Variants in NALF1 observed in about 807,000 individuals in gnomAD.
NALF1 encodes NALCN channel auxiliary factor 1.
NALF1 carries 3 observed loss-of-function variants against 48.4 expected under a neutral mutation model. That is an observed-to-expected ratio of 0.06 (90% CI 0.03 to 0.16). The LOEUF is 0.16. NALF1 is among the 10% of genes least tolerant of loss of function. The probability of loss-of-function intolerance (pLI) is 1.00; values close to 1 mark genes in which losing one functional copy is unlikely to be tolerated. For synonymous variants in NALF1, 262 were observed against 245.7 expected, an observed-to-expected ratio of 1.07 and a Z score of -0.62; for missense variants, 526 against 571.5, an observed-to-expected ratio of 0.92 and a Z score of 0.81.
At chr13:107,490,959 C>A (rs1185340652) in intron 1 of NALF1, among the ~76,000 whole-genome samples, 21 of 152,114 alleles carry the variant, frequency 1.4e-4, no homozygotes, top group Admixed American at 1.4e-3. Context: ...TTTACCTCAG[C>A]AAAATTAAGC....
chr13:107,513,405 C>T (rs1875957892), intron 1 of NALF1, among the ~76,000 whole-genome samples: 1 of 152,168 alleles, frequency 6.6e-6, no homozygotes, highest in African/African-American at 2.4e-5. Context: ...CTCTCCCATT[C>T]CAAGTACTCA....
intron 1 of NALF1, among the ~76,000 whole-genome samples, chr13:107,527,312 G>T (rs1487185360): frequency 6.6e-6 from 1 of 152,020 alleles, no homozygotes; most frequent in Non-Finnish European, 1.5e-5. Flanking sequence ...GCGTTCAGGG[G>T]ATATCTTTGG....
rs193119179 is a variant in NALF1, at chr13:107,646,134, T to C, written c.915+219548A>G. 8.5e-5 allele frequency among the ~76,000 whole-genome samples: 13 copies of C among 152,134 alleles called. No individual in the cohort carries two copies. In the East Asian group the frequency reaches 2.5e-3, roughly 29 times the overall value. ...TGAGAGTTTTACACATCTTTTAAAA[T>C]TGCATCTAACGTTTCTAGATGTTCT... On this transcript the variant is annotated intron_variant, in intron 1 of 2. Transcript: ENST00000375915.
At chr13:107,564,295 G>A (rs776138812) in intron 1 of NALF1, among the ~76,000 whole-genome samples, 1 of 152,188 alleles carries the variant, frequency 6.6e-6, no homozygotes, top group Non-Finnish European at 1.5e-5. Context: ...ATGTGTGCAT[G>A]AAAGTGAGAG....
intron 2 of NALF1, among the ~76,000 whole-genome samples, chr13:107,192,218 C>A (rs545888974): frequency 6.6e-6 from 1 of 152,178 alleles, no homozygotes; most frequent in Admixed American, 6.5e-5. Context: ...ATTATAATAA[C>A]CTGTGGTAGC....
chr13:107,587,194 G>T (rs953071492), intron 1 of NALF1, among the ~76,000 whole-genome samples: 2 of 152,076 alleles, frequency 1.3e-5, no homozygotes, highest in Non-Finnish European at 2.9e-5. Flanking sequence ...GGACAGTCAG[G>T]AAGGGAACAC....
In NALF1 at chr13:107,556,338, C is replaced by CAT. The variant is rs770324548; in HGVS notation, c.915+309342_915+309343dup. 7.4e-3 allele frequency among the ~76,000 whole-genome samples: 1,088 copies of CAT among 147,548 alleles called. 9 individuals carry two copies. Among genetic ancestry groups the CAT allele is most frequent in the African/African-American group, 0.024 (963 of 39,946 alleles). On this transcript the variant is annotated intron_variant, in intron 1 of 2. Coordinates refer to ENST00000375915, the MANE Select transcript of NALF1 (RefSeq NM_001080396.3). ...ACACACATATATATATATACACACA[C>CAT]ATATATATATATAGAGAGAGAGAGA...
chr13:107,518,896 G>T (rs1157017673), intron 1 of NALF1, among the ~76,000 whole-genome samples: 1 of 152,178 alleles, frequency 6.6e-6, no homozygotes, highest in African/African-American at 2.4e-5. Flanking sequence ...AGAAATGAAA[G>T]TGGGATTGAA....
intron 1 of NALF1, among the ~76,000 whole-genome samples, chr13:107,639,831 T>C (rs1880101651): frequency 6.6e-6 from 1 of 152,194 alleles, no homozygotes; most frequent in South Asian, 2.1e-4. Context: ...TGTAACAATC[T>C]ACAAAGTGTT....
chr13:107,494,533 T>A (rs1875260569), intron 1 of NALF1, among the ~76,000 whole-genome samples: 1 of 152,202 alleles, frequency 6.6e-6, no homozygotes, highest in African/African-American at 2.4e-5. Flanking sequence ...GGCCCTGATG[T>A]TCACGACCAT....
chr13:107,455,859 A>G lies in NALF1; in HGVS notation c.916-245104T>C, dbSNP rs117239356. Among the ~76,000 whole-genome samples, 4 of 145,992 alleles carry G rather than the reference A, an allele frequency of 2.7e-5. No homozygotes were observed. In the East Asian group the frequency reaches 7.7e-4, roughly 28 times the overall value. On this transcript the variant is annotated intron_variant, in intron 1 of 2. Coordinates refer to ENST00000375915, the MANE Select transcript of NALF1 (RefSeq NM_001080396.3). ...CCCCTGTGTCTTTTCTTAGCTCGAT[A>G]ACTCTTTTTTTTTTTTAAGTGCTGA...
chr13:107,836,176 A>C (rs1315348080), intron 1 of NALF1, among the ~76,000 whole-genome samples: 1 of 152,056 alleles, frequency 6.6e-6, no homozygotes, highest in Non-Finnish European at 1.5e-5. Flanking sequence ...ATTTTTGTAG[A>C]GATGGGGTTT....
chr13:107,230,780 C>A (rs1252623857), intron 1 of NALF1, among the ~76,000 whole-genome samples: 1 of 151,892 alleles, frequency 6.6e-6, no homozygotes, highest in Non-Finnish European at 1.5e-5. Context: ...CAGTGTTAAG[C>A]CAGGTTTAGT....
chr13:107,670,596 T>C (rs749224116), intron 1 of NALF1, among the ~76,000 whole-genome samples: 8 of 152,130 alleles, frequency 5.3e-5, no homozygotes, highest in Non-Finnish European at 1.2e-4. Context: ...TGAGACTCTT[T>C]ACTATCATTG....
At chr13:107,265,305 AT>A in intron 1 of NALF1, among the ~76,000 whole-genome samples, 1 of 152,196 alleles carries the variant, frequency 6.6e-6, no homozygotes, top group Non-Finnish European at 1.5e-5. Context: ...GAATTTGGTT[AT>A]TATTAATATT....
intron 1 of NALF1, among the ~76,000 whole-genome samples, chr13:107,696,414 C>A (rs974515413): frequency 6.6e-6 from 1 of 152,148 alleles, no homozygotes; most frequent in Non-Finnish European, 1.5e-5. Flanking sequence ...GACAACGTTA[C>A]ACAAATGGGA....
chr13:107,444,279 G>A (rs980218634), intron 1 of NALF1, among the ~76,000 whole-genome samples: 1 of 152,108 alleles, frequency 6.6e-6, no homozygotes, highest in Non-Finnish European at 1.5e-5. Flanking sequence ...AAGAAAAAAA[G>A]CTATGTAGAG....
chr13:107,368,507 G>A (rs771851702), intron 1 of NALF1, among the ~76,000 whole-genome samples: 11 of 151,974 alleles, frequency 7.2e-5, no homozygotes, highest in African/African-American at 1.2e-4. Context: ...GCAGGGCCAC[G>A]CTTGCTCCAG....
chr13:107,428,287 C>T (rs922198117), intron 1 of NALF1, among the ~76,000 whole-genome samples: 2 of 152,126 alleles, frequency 1.3e-5, no homozygotes, highest in South Asian at 2.1e-4. Flanking sequence ...GATTTAGAAA[C>T]GATAAGCCTC....
Sources: allele counts gnomAD v4.1 joint callset (sites outside exome capture counted in the v4.1 genomes callset), GRCh38; gene constraint gnomAD v4.1.1; transcripts MANE v1.5; gene names NCBI Gene and HGNC (gene_info 2026-07-23, HGNC 2026-07-21).